NONO: variants seen among roughly 807,000 people sequenced by gnomAD.
The protein encoded by NONO is non-POU domain containing octamer binding.
In NONO, 6 loss-of-function variants were observed where a neutral mutation model predicts 40.2. The observed-to-expected ratio is 0.15, with a 90% CI of 0.08 to 0.29. The LOEUF (loss-of-function observed/expected upper bound fraction) is 0.29, where lower values mean the gene tolerates loss of function less well. NONO is among the 10% of genes least tolerant of loss of function. The pLI is 1.00. For missense variants in NONO, 133 were observed against 397.8 expected (o/e 0.33, Z 5.66); for synonymous variants, 89 against 123.3 (o/e 0.72, Z 1.85).
intron 4 of NONO, chrX:71,292,461 G>A (rs2031348296): frequency 8.9e-6 from 1 of 112,219 alleles, no homozygotes; most frequent in Non-Finnish European, 1.9e-5. Flanking sequence ...GCCTCCCAAA[G>A]TATTGGGGTT....
intron 5 of NONO, among the ~76,000 whole-genome samples, chrX:71,294,736 G>A (rs2031397602): frequency 9.1e-6 from 1 of 110,455 alleles, no homozygotes; most frequent in African/African-American, 3.3e-5. Flanking sequence ...TGACCAACAT[G>A]GTGAAACCCT....
At chrX:71,298,447 T>A (rs763617037) in intron 9 of NONO, 22 bp from the exon 10 acceptor site, 1 of 1,200,599 alleles carries the variant, frequency 8.3e-7, no homozygotes, top group East Asian at 3.0e-5. Flanking sequence ...TTGGACTGTC[T>A]TGAGTATTTT....
At chrX:71,285,147 T>A (rs2031160488) in intron 2 of NONO, 1 of 112,167 alleles carries the variant, frequency 8.9e-6, no homozygotes, top group Non-Finnish European at 1.9e-5. Context: ...TATGATAGTC[T>A]TCACTAGTGC....
At chrX:71,298,286 C>T (rs2031496658) in intron 9 of NONO, 183 bp from the exon 10 acceptor site, 10 of 472,349 alleles carry the variant, frequency 2.1e-5, no homozygotes, top group Admixed American at 1.8e-4. Flanking sequence ...CTCTGGCTTA[C>T]GTCCTAGTAG....
chrX:71,298,011 C>T (rs1602390260), intron 9 of NONO, 73 bp downstream of exon 9: 10 of 649,774 alleles, frequency 1.5e-5, no homozygotes, highest in Non-Finnish European at 2.4e-5. Context: ...TGCTAGGTTA[C>T]CGGTTATGAC....
rs770728081 is a variant in NONO at position 71,296,372 on chromosome X, A to C, written c.651-193A>C. Among the ~76,000 whole-genome samples the C allele has an allele frequency of 2.7e-5, 3 of 111,146 alleles. No individual in the cohort carries two copies. The East Asian group carries it at 8.5e-4, about 31-fold the overall frequency. On this transcript the variant is annotated intron_variant, in intron 5 of 11. Transcript: ENST00000276079. ...CATGATTCACCCGCCTCGTCCTCCC[A>C]AAGTGCTGGGATTACAGGCGTGAGC...
Position 71,297,045 on chromosome X carries a change from A to G in NONO, c.941A>G (p.Gln314Arg), listed in dbSNP as rs752423735. ...RHEHQVMLMRQDLMRRQEELR... is the reference protein window; with the variant it reads ...RHEHQVMLMRRDLMRRQEELR... The stretch of plus-strand genomic sequence containing the variant: ...GAGCACCAGGTCATGCTAATGAGAC[A>G]GGGTGAGTCTAGGCCTGTAAGTCTT... The change falls in exon 7 of 12, where the codon CAG becomes CGG. Residue 314 changes from glutamine (Q) to arginine (R), a missense_variant and splice_region_variant. Around this residue, in one of 3 missense-constraint regions of NONO, gnomAD observed 73 missense variants for 162.2 expected, o/e 0.45. Coordinates refer to ENST00000276079, the MANE Select transcript of NONO (RefSeq NM_007363.5). 5.9e-6 allele frequency: 7 copies of G among 1,190,210 alleles called. 1 individual carries two copies. Among genetic ancestry groups the G allele is most frequent in the Non-Finnish European group, 7.9e-6 (7 of 882,550 alleles).
At chrX:71,290,836 GA>G (rs1379753778) in intron 3 of NONO, 45 bp downstream of exon 3, 1 of 1,091,088 alleles carries the variant, frequency 9.2e-7, no homozygotes, top group Non-Finnish European at 1.2e-6. Flanking sequence ...TTCCCTCTGG[GA>G]ATGGTTTCTT....
intron 2 of NONO, among the ~76,000 whole-genome samples, chrX:71,286,987 A>T (rs748799905): frequency 8.0e-5 from 9 of 112,314 alleles, no homozygotes; most frequent in Non-Finnish European, 1.7e-4. Flanking sequence ...GAATGTTTTT[A>T]TACACTTGAA....
At chrX:71,295,236 A>G (rs929650849) in intron 5 of NONO, among the ~76,000 whole-genome samples, 4 of 106,181 alleles carry the variant, frequency 3.8e-5, no homozygotes, top group African/African-American at 1.4e-4. Context: ...AAAAAAAAAA[A>G]AAAAGACTTT....
intron 5 of NONO, among the ~76,000 whole-genome samples, chrX:71,295,499 CTT>C (rs2031423297): frequency 9.1e-6 from 1 of 110,487 alleles, no homozygotes; most frequent in South Asian, 3.8e-4. Context: ...AAAAAAAAGA[CTT>C]TTGGTATTAG....
intron 1 of NONO, 59 bp from the exon 2 acceptor site, chrX:71,284,338 A>C (rs1238065166): frequency 1.8e-5 from 2 of 111,566 alleles, no homozygotes; most frequent in East Asian, 5.6e-4. Context: ...CGAGTATTTT[A>C]TTTTCCAGTT....
At chrX:71,294,720 C>T (rs1055723580) in intron 5 of NONO, among the ~76,000 whole-genome samples, 192 bp downstream of exon 5, 6 of 109,351 alleles carry the variant, frequency 5.5e-5, no homozygotes, top group Non-Finnish European at 1.9e-5. Flanking sequence ...GAGTTGGAGA[C>T]CAGCCTGACC....
chrX:71,287,063 G>A (rs372689719), intron 2 of NONO, among the ~76,000 whole-genome samples: 80 of 112,181 alleles, frequency 7.1e-4, no homozygotes, highest in African/African-American at 2.3e-3. Flanking sequence ...TCTTTCATCT[G>A]AGAAATATAA....
intron 2 of NONO, among the ~76,000 whole-genome samples, chrX:71,288,511 C>A (rs1432535843): frequency 1.1e-4 from 12 of 112,080 alleles, no homozygotes; most frequent in Admixed American, 2.8e-4. Context: ...CCTGGCTCAG[C>A]CTCCTGAGTA....
chrX:71,294,939 G>A (rs2031403435), intron 5 of NONO, among the ~76,000 whole-genome samples: 1 of 107,702 alleles, frequency 9.3e-6, no homozygotes, highest in African/African-American at 3.4e-5. Context: ...AAAAGACTGG[G>A]CAAAACAGCG....
chrX:71,289,325 T>C (rs920139336), intron 2 of NONO, among the ~76,000 whole-genome samples: 4 of 111,710 alleles, frequency 3.6e-5, no homozygotes, highest in Non-Finnish European at 7.5e-5. Context: ...AGAGTCTAGC[T>C]CTGTTGCCCA....
chrX:71,299,927 CT>C lies in NONO; in HGVS notation c.1282-10del. The C allele has an allele frequency of 8.3e-7, 1 of 1,210,721 alleles. No individual in the cohort carries two copies. Among genetic ancestry groups the C allele is most frequent in the African/African-American group, 1.7e-5 (1 of 57,654 alleles). ...AATGGCTCTGTTACAGTGTTGCTCT[CT>C]TTTTCTCTTTAAGACCCCACCAACA... On this transcript the variant is annotated splice_polypyrimidine_tract_variant and intron_variant, in intron 11 of 11. Transcript: ENST00000276079.
At chrX:71,293,444 A>T (rs763754712) in intron 4 of NONO, among the ~76,000 whole-genome samples, 55 of 109,220 alleles carry the variant, frequency 5.0e-4, no homozygotes, top group African/African-American at 1.6e-3. Context: ...TTAGCTGGAC[A>T]TGGTGGTAAG....
Sources: allele counts gnomAD v4.1 joint callset (sites outside exome capture counted in the v4.1 genomes callset), GRCh38; gene constraint gnomAD v4.1.1; regional missense constraint gnomAD v4.1.1; transcripts MANE v1.5; gene names NCBI Gene and HGNC (gene_info 2026-07-23, HGNC 2026-07-21).